ANKRD44: variants seen among roughly 807,000 people sequenced by gnomAD.
The protein encoded by ANKRD44 is ankyrin repeat domain 44.
Under a neutral mutation model 116.0 loss-of-function variants are expected in ANKRD44, and 35 were observed. The observed-to-expected ratio is 0.30, with a 90% confidence interval of 0.23 to 0.40. The LOEUF is 0.40. ANKRD44 is among the 10% of genes least tolerant of loss of function. The probability of loss-of-function intolerance (pLI) is 1.00; values close to 1 mark genes in which losing one functional copy is unlikely to be tolerated. For missense variants in ANKRD44, 1,014 were observed against 1,242.6 expected, an observed-to-expected ratio of 0.82 and a Z score of 2.77; for synonymous variants, 435 against 461.8, an observed-to-expected ratio of 0.94 and a Z score of 0.74.
chr2:197,177,430 A>G (rs1441046561), intron 2 of ANKRD44, among the ~76,000 whole-genome samples: 1 of 152,208 alleles, frequency 6.6e-6, no homozygotes, highest in Non-Finnish European at 1.5e-5. Context: ...AAAAGATGGG[A>G]GCGCCATTAT....
At chr2:197,025,080 A>G in intron 17 of ANKRD44, 116 bp downstream of exon 17, 2 of 1,005,774 alleles carry the variant, frequency 2.0e-6, no homozygotes, top group Non-Finnish European at 3.0e-6. Context: ...ACCACGGACT[A>G]CTTTCACTAC....
chr2:197,065,722 C>T (rs2077417775), intron 16 of ANKRD44, among the ~76,000 whole-genome samples: 1 of 152,142 alleles, frequency 6.6e-6, no homozygotes, highest in African/African-American at 2.4e-5. Context: ...AATTCCTGGA[C>T]ATATACACCC....
intron 6 of ANKRD44, among the ~76,000 whole-genome samples, chr2:197,124,016 C>T (rs752716854): frequency 1.3e-5 from 2 of 152,130 alleles, no homozygotes; most frequent in African/African-American, 4.8e-5. Context: ...AGAGAGCAAT[C>T]GTGAAACTTT....
chr2:197,008,030 T>C (rs1370552506), intron 19 of ANKRD44, 107 bp from the exon 20 acceptor site: 1 of 750,804 alleles, frequency 1.3e-6, no homozygotes, highest in Non-Finnish European at 2.2e-6. Flanking sequence ...CCTCTCCTTT[T>C]GACAATTTCT....
intron 2 of ANKRD44, among the ~76,000 whole-genome samples, chr2:197,171,490 T>C (rs557923303): frequency 1.4e-4 from 22 of 152,256 alleles, no homozygotes; most frequent in Non-Finnish European, 2.5e-4. Context: ...TTAGGTTATA[T>C]GAGAAAATTA....
chr2:197,067,486 T>C (rs1213165811), intron 16 of ANKRD44, among the ~76,000 whole-genome samples: 1 of 147,784 alleles, frequency 6.8e-6, no homozygotes, highest in African/African-American at 2.5e-5. Context: ...ATATCCAGAA[T>C]CTACAATGAA....
downstream of ANKRD44, among the ~76,000 whole-genome samples, chr2:196,985,620 A>G (rs1051184448): frequency 2.0e-5 from 3 of 152,216 alleles, no homozygotes; most frequent in Non-Finnish European, 4.4e-5. Flanking sequence ...TATCTTCAAA[A>G]ATTCAAGTTG....
At chr2:197,074,641 T>A (rs1447154394) in intron 16 of ANKRD44, among the ~76,000 whole-genome samples, 1 of 152,088 alleles carries the variant, frequency 6.6e-6, no homozygotes, top group Non-Finnish European at 1.5e-5. Context: ...CATACCTGGC[T>A]AATTTTAAAA....
In ANKRD44 at chr2:196,993,500, C is replaced by T; in HGVS notation, c.2923+83G>A. The T allele has an allele frequency of 3.5e-6, 4 of 1,136,188 alleles. No homozygotes were observed. The South Asian group carries it at 4.0e-5, about 11-fold the overall frequency. 70.4% of individuals were successfully genotyped at this position (1,136,188 alleles called of 1,614,324 possible). A position where few individuals can be genotyped will look rare whatever the true frequency, so the allele number is the denominator to read the frequency against. On this transcript the variant is annotated intron_variant, in intron 27 of 27. Coordinates refer to ENST00000282272, the MANE Select transcript of ANKRD44 (RefSeq NM_001195144.2). ...ACAGAATTCTTAAGTGCCTTTTATA[C>T]TAGCTCCTATCTTTCTCATTTCCTC...
At chr2:197,194,581 T>C (rs1469126597) in intron 1 of ANKRD44, among the ~76,000 whole-genome samples, 3 of 152,162 alleles carry the variant, frequency 2.0e-5, no homozygotes, top group Admixed American at 1.3e-4. Flanking sequence ...TAATATAATA[T>C]ATATATAATT....
chr2:197,070,885 G>A (rs1373218505), intron 16 of ANKRD44, among the ~76,000 whole-genome samples: 1 of 152,104 alleles, frequency 6.6e-6, no homozygotes, highest in East Asian at 1.9e-4. Flanking sequence ...TTTAGGGGAA[G>A]TTTTAAAATT....
intron 1 of ANKRD44, among the ~76,000 whole-genome samples, chr2:197,275,567 TG>T (rs1024625671): frequency 1.3e-5 from 2 of 151,974 alleles, no homozygotes; most frequent in East Asian, 1.9e-4. Flanking sequence ...AGCACCATGT[TG>T]GGGGGGTGGG....
downstream of ANKRD44, among the ~76,000 whole-genome samples, chr2:196,986,106 T>C (rs1160637761): frequency 6.6e-6 from 1 of 152,242 alleles, no homozygotes; most frequent in Non-Finnish European, 1.5e-5. Flanking sequence ...TCACAGATAC[T>C]GTTTTAAATT....
chr2:197,158,086 G>T (rs1178285554), intron 2 of ANKRD44, among the ~76,000 whole-genome samples: 1 of 152,160 alleles, frequency 6.6e-6, no homozygotes, highest in African/African-American at 2.4e-5. Flanking sequence ...TGAAAAACTG[G>T]CCAAGACGCT....
intron 21 of ANKRD44, 81 bp from the exon 22 acceptor site, chr2:197,001,921 A>C: frequency 1.9e-6 from 2 of 1,037,962 alleles, no homozygotes; most frequent in Non-Finnish European, 2.9e-6. Context: ...TTAAGTATTG[A>C]GTTTTTGGTT....
At chr2:197,192,024 T>C (rs1055534295) in intron 1 of ANKRD44, among the ~76,000 whole-genome samples, 4 of 152,164 alleles carry the variant, frequency 2.6e-5, no homozygotes, top group Non-Finnish European at 5.9e-5. Context: ...CCATCATGGG[T>C]TCTACAAAGA....
chr2:197,305,967 T>TATATATATATATATATATATATATATA (rs2084057380), intron 1 of ANKRD44, among the ~76,000 whole-genome samples: 14 of 124,722 alleles, frequency 1.1e-4, no homozygotes, highest in African/African-American at 4.7e-4. Context: ...GCAGTTCGTT[T>TATATATATATATATATATATATATATA]TATATATATA....
intron 16 of ANKRD44, chr2:197,029,195 G>T: frequency 5.2e-6 from 1 of 190,512 alleles, no homozygotes; most frequent in Non-Finnish European, 1.1e-5. Context: ...TGTTCTCATT[G>T]TTCAATTCCC....
At chr2:197,306,028 C>T (rs576642872) in intron 1 of ANKRD44, among the ~76,000 whole-genome samples, 8 of 144,254 alleles carry the variant, frequency 5.5e-5, no homozygotes, top group South Asian at 2.2e-4. Flanking sequence ...CATCATTCAC[C>T]GGGGTGAGGA....
Sources: allele counts gnomAD v4.1 joint callset (sites outside exome capture counted in the v4.1 genomes callset), GRCh38; gene constraint gnomAD v4.1.1; transcripts MANE v1.5; gene names NCBI Gene and HGNC (gene_info 2026-07-23, HGNC 2026-07-21).